Variants in ZDHHC20 observed in about 807,000 individuals in gnomAD.
The protein encoded by ZDHHC20 is zDHHC palmitoyltransferase 20.
Under a neutral mutation model 57.8 loss-of-function variants are expected in ZDHHC20, and 43 were observed. That is an observed-to-expected ratio of 0.74 (90% confidence interval 0.58 to 0.96). The LOEUF (loss-of-function observed/expected upper bound fraction) is 0.96. Ranked by LOEUF, ZDHHC20 falls within the 40% of genes least tolerant of loss-of-function variation. ZDHHC20 has a pLI of 0.00. For missense variants in ZDHHC20, 391 were observed against 441.1 expected (o/e 0.89, Z 1.02); for synonymous variants, 157 against 153.0 (o/e 1.03, Z -0.19).
intron 1 of ZDHHC20, among the ~76,000 whole-genome samples, chr13:21,442,494 C>T (rs1405773586): frequency 1.3e-5 from 2 of 152,216 alleles, no homozygotes; most frequent in Non-Finnish European, 2.9e-5. Context: ...GTGACTCATG[C>T]CCGTAATCCC....
intron 1 of ZDHHC20, among the ~76,000 whole-genome samples, chr13:21,449,845 T>G (rs997316463): frequency 1.2e-4 from 18 of 152,074 alleles, no homozygotes; most frequent in African/African-American, 4.3e-4. Context: ...TTGATGAAGC[T>G]GGTCTCGAAC....
chr13:21,388,203 C>T lies in ZDHHC20; in HGVS notation c.728-569G>A, dbSNP rs1593184152. Among the ~76,000 whole-genome samples, 4 of 151,956 alleles carry T rather than the reference C, an allele frequency of 2.6e-5. No homozygotes were observed. In the South Asian group the frequency reaches 8.3e-4, roughly 32 times the overall value. On this transcript the variant is annotated intron_variant, in intron 8 of 12. Coordinates refer to ENST00000400590, the MANE Select transcript of ZDHHC20 (RefSeq NM_001330059.2). ...GTGAGCAAGCTGAGGATGACTAGAC[C>T]ATTATTTCAAGCTTGGTTGTTAAGT...
chr13:21,382,923 C>T lies in ZDHHC20; in HGVS notation c.941G>A (p.Arg314Lys). 1 of 1,557,324 alleles carries T rather than the reference C, an allele frequency of 6.4e-7. No individual in the cohort carries two copies. Among genetic ancestry groups the T allele is most frequent in the Non-Finnish European group, 8.7e-7 (1 of 1,149,492 alleles). ...ASVTNQNEYARSSGSNQPFPI... is the reference protein window; with the variant it reads ...ASVTNQNEYAKSSGSNQPFPI... The stretch of plus-strand genomic sequence containing the variant: ...AGCATAAGGACAATAAGCATACCTT[C>T]TGGCATACTCATTCTGGTTTGTAAC... The change falls in exon 10 of 13, where the codon AGA becomes AAA. Residue 314 changes from arginine to lysine, a missense_variant. Arg to Lys is a conservative substitution (Grantham distance 26). Coordinates refer to ENST00000400590, the MANE Select transcript of ZDHHC20 (RefSeq NM_001330059.2).
In ZDHHC20 at chr13:21,401,705, A is replaced by G. The variant is rs1877659465; in HGVS notation, c.441-20T>C. ...ATACATCTAGGAAACAAACAAGCAT[A>G]AGAAAATCCATGCAGAAAAATTCTT... On this transcript the variant is annotated intron_variant, in intron 5 of 12. Transcript: ENST00000400590. The G allele has an allele frequency of 1.3e-6, 2 of 1,487,960 alleles. No homozygotes were observed. Among genetic ancestry groups the G allele is most frequent in the South Asian group, 1.4e-5 (1 of 69,642 alleles). 92.2% of individuals were successfully genotyped at this position (1,487,960 alleles called of 1,614,324 possible).
At chr13:21,414,347 C>T (rs921847399) in intron 3 of ZDHHC20, among the ~76,000 whole-genome samples, 1 of 150,560 alleles carries the variant, frequency 6.6e-6, no homozygotes, top group Non-Finnish European at 1.5e-5. Flanking sequence ...AGGACAGAGT[C>T]CTTTATAGAC....
At chr13:21,397,221 C>T (rs1482823740) in intron 7 of ZDHHC20, among the ~76,000 whole-genome samples, 1 of 151,910 alleles carries the variant, frequency 6.6e-6, no homozygotes, top group African/African-American at 2.4e-5. Context: ...ATGGTAAAAC[C>T]CCGTCTCTGC....
At chr13:21,437,671 T>A (rs989235715) in intron 1 of ZDHHC20, among the ~76,000 whole-genome samples, 1 of 151,058 alleles carries the variant, frequency 6.6e-6, no homozygotes, top group Non-Finnish European at 1.5e-5. Context: ...TGACAGCACA[T>A]CTGTTTACAG....
chr13:21,456,516 A>G (rs1884942449), intron 1 of ZDHHC20, among the ~76,000 whole-genome samples: 2 of 152,214 alleles, frequency 1.3e-5, no homozygotes, highest in Admixed American at 6.5e-5. Flanking sequence ...ATAAAGTAAT[A>G]TATCTATACA....
chr13:21,420,637 G>A, intron 3 of ZDHHC20, among the ~76,000 whole-genome samples: 1 of 152,208 alleles, frequency 6.6e-6, no homozygotes, highest in East Asian at 1.9e-4. Context: ...TCATATTAAA[G>A]TGCAGCAAGC....
At chr13:21,444,612 G>A (rs925880291) in intron 1 of ZDHHC20, among the ~76,000 whole-genome samples, 4 of 152,114 alleles carry the variant, frequency 2.6e-5, no homozygotes, top group Admixed American at 2.0e-4. Flanking sequence ...CAAGAAATAA[G>A]GATACATCTG....
chr13:21,451,995 C>CAA (rs202119689), intron 1 of ZDHHC20, among the ~76,000 whole-genome samples: 1 of 142,482 alleles, frequency 7.0e-6, no homozygotes, highest in Admixed American at 7.0e-5. Context: ...GTTCCATCTC[C>CAA]AAAAAAAAAA....
intron 1 of ZDHHC20, among the ~76,000 whole-genome samples, chr13:21,451,485 G>C (rs1280356661): frequency 6.6e-6 from 1 of 152,130 alleles, no homozygotes; most frequent in Non-Finnish European, 1.5e-5. Flanking sequence ...ATATAAGAAA[G>C]TGCATACTTT....
At chr13:21,434,909 G>T (rs1882387208) in intron 1 of ZDHHC20, among the ~76,000 whole-genome samples, 2 of 152,010 alleles carry the variant, frequency 1.3e-5, no homozygotes, top group Admixed American at 1.3e-4. Context: ...AAATAACCTT[G>T]TGCATGTGTT....
At chr13:21,403,925 T>A (rs1401593495) in intron 4 of ZDHHC20, among the ~76,000 whole-genome samples, 2 of 152,102 alleles carry the variant, frequency 1.3e-5, no homozygotes, top group Admixed American at 6.6e-5. Flanking sequence ...TGACCTCAGG[T>A]GAGTCACCCA....
chr13:21,384,775 C>A (rs562714153), intron 9 of ZDHHC20, among the ~76,000 whole-genome samples: 2 of 152,132 alleles, frequency 1.3e-5, no homozygotes. Flanking sequence ...CACTACAGAA[C>A]GTAATACTCT....
In ZDHHC20 at chr13:21,439,853, G is replaced by A. The variant is rs532000337; in HGVS notation, c.119-14175C>T. ...AGGCTGAGGCAGGTGGATCACCTGA[G>A]GTCACAAGTTCAAGACCAGCCTGGC... On this transcript the variant is annotated intron_variant, in intron 1 of 12. Transcript: ENST00000400590. Among the ~76,000 whole-genome samples the A allele has an allele frequency of 3.3e-5, 5 of 152,104 alleles. No homozygotes were observed. In the South Asian group the frequency reaches 1.0e-3, roughly 32 times the overall value.
chr13:21,418,896 A>G (rs1160653984), intron 3 of ZDHHC20, among the ~76,000 whole-genome samples: 1 of 152,156 alleles, frequency 6.6e-6, no homozygotes, highest in Non-Finnish European at 1.5e-5. Context: ...CTGATGTCAA[A>G]GTCCTGGGCT....
chr13:21,382,111 T>C (rs1873536334), intron 10 of ZDHHC20: 3 of 318,964 alleles, frequency 9.4e-6, no homozygotes, highest in African/African-American at 2.1e-5. Flanking sequence ...ATACACATTA[T>C]CTCAACCCTC....
intron 1 of ZDHHC20, among the ~76,000 whole-genome samples, chr13:21,435,660 TAGA>T (rs2137978013): frequency 6.6e-6 from 1 of 152,336 alleles, no homozygotes; most frequent in South Asian, 2.1e-4. Context: ...CTAGTAAATG[TAGA>T]AGAAATCATG....
Sources: gnomAD v4.1 joint callset for allele counts (sites outside exome capture counted in the v4.1 genomes callset) on GRCh38, gnomAD v4.1.1 for gene constraint, MANE v1.5 for transcripts, NCBI Gene and HGNC (gene_info 2026-07-23, HGNC 2026-07-21) for gene names.